CCM2: variants seen among roughly 807,000 people sequenced by gnomAD.
The protein encoded by CCM2 is cerebral cavernous malformations 2 protein.
In CCM2, 25 loss-of-function variants were observed where a neutral mutation model predicts 44.9. That is an observed-to-expected ratio of 0.56 (90% CI 0.41 to 0.78). The LOEUF (loss-of-function observed/expected upper bound fraction) is 0.78, where lower values mean the gene tolerates loss of function less well. Ranked by LOEUF, CCM2 falls within the 30% of genes least tolerant of loss-of-function variation. The pLI, the probability that CCM2 is intolerant of heterozygous loss-of-function variation, is 0.00. For missense variants in CCM2, 481 were observed against 580.6 expected (o/e 0.83, Z 1.76); for synonymous variants, 219 against 241.1 (o/e 0.91, Z 0.85).
rs1033224909 is a variant in CCM2, at chr7:45,061,015, T to C, written c.205-2903T>C. 7.9e-5 allele frequency among the ~76,000 whole-genome samples: 12 copies of C among 152,310 alleles called. 1 individual carries two copies. Among genetic ancestry groups the C allele is most frequent in the Admixed American group, 6.5e-4 (10 of 15,294 alleles). Reference sequence around the variant, plus strand: ...TTGGCTGGCTGGGAGTTGGGCTGTGTTTACTGTTTGCTGCCCTTGTGATGC... The same window carrying C: ...TTGGCTGGCTGGGAGTTGGGCTGTGCTTACTGTTTGCTGCCCTTGTGATGC... On this transcript the variant is annotated intron_variant, in intron 2 of 9. Coordinates refer to ENST00000258781, the MANE Select transcript of CCM2 (RefSeq NM_031443.4).
chr7:45,006,333 CT>C (rs5883918), intron 1 of CCM2, among the ~76,000 whole-genome samples: 7 of 146,032 alleles, frequency 4.8e-5, no homozygotes, highest in Non-Finnish European at 7.5e-5. Flanking sequence ...AAGATGGAGT[CT>C]TTTTTTTTTT....
chr7:45,029,621 G>T (rs889022180), intron 1 of CCM2: 1 of 152,192 alleles, frequency 6.6e-6, no homozygotes. Context: ...ATAAACAGGT[G>T]CCCTGACTTA....
At chr7:45,014,810 C>T (rs1410519406) in intron 1 of CCM2, among the ~76,000 whole-genome samples, 1 of 151,194 alleles carries the variant, frequency 6.6e-6, no homozygotes, top group African/African-American at 2.4e-5. Context: ...TTATTAGAGA[C>T]GGGGTTTCGT....
At chr7:45,014,818 C>A (rs1002595941) in intron 1 of CCM2, among the ~76,000 whole-genome samples, 1 of 151,056 alleles carries the variant, frequency 6.6e-6, no homozygotes, top group African/African-American at 2.4e-5. Flanking sequence ...GACGGGGTTT[C>A]GTCATGTTGG....
At chr7:45,063,791 C>A (rs975365253) in intron 2 of CCM2, 127 bp from the exon 3 acceptor site, 2 of 736,614 alleles carry the variant, frequency 2.7e-6, no homozygotes, top group Admixed American at 2.0e-5. Flanking sequence ...CCACGCGAGC[C>A]GGAATGGAGA....
chr7:45,068,986 G>T (rs566633943), intron 5 of CCM2, among the ~76,000 whole-genome samples: 1 of 152,154 alleles, frequency 6.6e-6, no homozygotes, highest in East Asian at 1.9e-4. Flanking sequence ...GGGCAGCGGC[G>T]GTCACCTGTG....
chr7:44,999,802 TCCCGCGCGCGC>T (rs1562847389), upstream of CCM2: 19 of 9,866 alleles, frequency 1.9e-3, no homozygotes, highest in African/African-American at 0.015. Context: ...TTGGAGCTGC[TCCCGCGCGCGC>T]TCCCGCGCGC....
chr7:45,015,850 T>C (rs934630696), intron 1 of CCM2, among the ~76,000 whole-genome samples: 1 of 152,212 alleles, frequency 6.6e-6, no homozygotes, highest in African/African-American at 2.4e-5. Flanking sequence ...CTGCTGGGCC[T>C]TGGGCATTCT....
At chr7:45,044,916 A>G (rs1797680344) in intron 2 of CCM2, among the ~76,000 whole-genome samples, 1 of 152,232 alleles carries the variant, frequency 6.6e-6, no homozygotes, top group African/African-American at 2.4e-5. Context: ...TTTCATAACT[A>G]AACTCTAACC....
At chr7:45,027,608 A>G (rs767060958) in intron 1 of CCM2, 14 of 1,610,420 alleles carry the variant, frequency 8.7e-6, no homozygotes, top group Non-Finnish European at 1.2e-5. Flanking sequence ...TGCAGAAGGA[A>G]GCTGTGGTTT....
intron 1 of CCM2, among the ~76,000 whole-genome samples, chr7:45,020,735 AT>A (rs1489725691): frequency 6.6e-6 from 1 of 152,222 alleles, no homozygotes; most frequent in African/African-American, 2.4e-5. Flanking sequence ...TTTGCTAAAA[AT>A]TTTGAGTATT....
At chr7:45,041,575 C>G (rs188936289) in intron 2 of CCM2, among the ~76,000 whole-genome samples, 4 of 152,182 alleles carry the variant, frequency 2.6e-5, no homozygotes, top group African/African-American at 9.7e-5. Context: ...TCCTTCTGAC[C>G]AAAGGACCAG....
Position 45,068,532 on chromosome 7 carries a change from G to C in CCM2, c.562G>C (p.Gly188Arg). The C allele has an allele frequency of 1.2e-6, 2 of 1,614,168 alleles. No homozygotes were observed. The highest frequency in any genetic ancestry group is 1.7e-6 in the Non-Finnish European group (2 of 1,180,022). The stretch of plus-strand genomic sequence containing the variant: ...AGGCTCCCTGTCGGAGAGTGCAGTT[G>C]GGCCCGTGGAGGCATGCTGCCTGGT... ...SAGSLSESAVGPVEACCLVIL... is the reference protein window; with the variant it reads ...SAGSLSESAVRPVEACCLVIL... Residue 188 changes from glycine to arginine, a missense_variant, in exon 5 of 10, where the codon GGG (glycine) becomes CGG (arginine). By Grantham distance (125) the Gly-to-Arg change is moderately radical. Coordinates refer to ENST00000258781, the MANE Select transcript of CCM2 (RefSeq NM_031443.4).
intron 1 of CCM2, among the ~76,000 whole-genome samples, chr7:45,020,549 C>G (rs1003034429): frequency 1.3e-5 from 2 of 152,138 alleles, no homozygotes; most frequent in Admixed American, 1.3e-4. Flanking sequence ...TCTAACCTGT[C>G]ATGTATGTAA....
chr7:45,074,543 A>T, intron 9 of CCM2, 135 bp downstream of exon 9: 1 of 756,794 alleles, frequency 1.3e-6, no homozygotes, highest in African/African-American at 1.7e-5. Context: ...TGAACCAGAG[A>T]TGGCATGAGA....
intron 2 of CCM2, among the ~76,000 whole-genome samples, chr7:45,048,958 TTTG>T (rs753101770): frequency 3.3e-5 from 5 of 152,128 alleles, no homozygotes; most frequent in Non-Finnish European, 7.4e-5. Context: ...TCTTCTCAGA[TTTG>T]TTATTATTTT....
rs148756298 is a variant in CCM2 at position 45,039,228 on chromosome 7, G to A, written c.204+802G>A. On this transcript the variant is annotated intron_variant, in intron 2 of 9. Transcript: ENST00000258781. ...TTTGGACGTGCAGAAACCTGGTACA[G>A]GGGCAGGTGGGGAGAGACCAAGACA... 7.0e-3 allele frequency among the ~76,000 whole-genome samples: 1,072 copies of A among 152,350 alleles called. 6 individuals carry two copies. The highest frequency in any genetic ancestry group is 0.012 in the Non-Finnish European group (827 of 68,034).
chr7:45,063,312 T>A (rs1446083308), intron 2 of CCM2: 1 of 154,326 alleles, frequency 6.5e-6, no homozygotes, highest in Non-Finnish European at 1.4e-5. Flanking sequence ...CCTCAGGTGA[T>A]CTGCCCACCT....
chr7:45,035,726 TGGG>T (rs766019557), intron 1 of CCM2, among the ~76,000 whole-genome samples: 20 of 152,082 alleles, frequency 1.3e-4, no homozygotes, highest in Non-Finnish European at 2.5e-4. Flanking sequence ...TGTCACCTGT[TGGG>T]GGCACGAATG....
Sources: gnomAD v4.1 joint callset for allele counts (sites outside exome capture counted in the v4.1 genomes callset) on GRCh38, gnomAD v4.1.1 for gene constraint, MANE v1.5 for transcripts, NCBI Gene and HGNC (gene_info 2026-07-23, HGNC 2026-07-21) for gene names.